The following PAX6 variants were observed in gnomAD, a reference collection of about 807,000 sequenced individuals.
The protein encoded by PAX6 is paired box protein Pax-6.
PAX6 carries 7 observed loss-of-function variants against 60.7 expected under a neutral mutation model. The observed-to-expected ratio is 0.12, with a 90% confidence interval of 0.07 to 0.22. PAX6 has a LOEUF of 0.22. Among genes scored for constraint, PAX6 ranks in the 10% least tolerant of loss-of-function variants. The probability of loss-of-function intolerance (pLI) is 1.00; values close to 1 mark genes in which losing one functional copy is unlikely to be tolerated. For synonymous variants in PAX6, 208 were observed against 201.2 expected (o/e 1.03, Z -0.29); for missense variants, 355 against 555.2 (o/e 0.64, Z 3.62).
chr11:31,816,667 C>T (rs1488403573), intron 1 of PAX6: 1 of 699,398 alleles, frequency 1.4e-6, no homozygotes, highest in East Asian at 2.7e-5. Flanking sequence ...ACTGCCACTG[C>T]GCTCGTCCCC....
chr11:31,796,446 C>T (rs986485617), intron 8 of PAX6, among the ~76,000 whole-genome samples: 2 of 138,792 alleles, frequency 1.4e-5, no homozygotes, highest in African/African-American at 2.8e-5. Flanking sequence ...CGGGCGCCTC[C>T]GTGCTATTTA....
At chr11:31,816,631 C>T (rs1320416937) in intron 1 of PAX6, 2 of 702,480 alleles carry the variant, frequency 2.8e-6, no homozygotes, top group Middle Eastern at 2.3e-4. Flanking sequence ...GGAGAGGATC[C>T]CGGCCCAGGT....
At position 31,789,033 on chromosome 11, in the gene PAX6, CT is replaced by C. The variant is rs1330314272; in HGVS notation, c.*900del. On this transcript the variant is annotated 3_prime_UTR_variant, in exon 14 of 14. Transcript: ENST00000640368. ...AACTTCAAAACACTTAAGTTTAAAA[CT>C]CTTGCAAGCACTTTTAATTGATTAG... 1 of 200,926 alleles carries C rather than the reference CT, an allele frequency of 5.0e-6. No homozygotes were observed. The highest frequency in any genetic ancestry group is 2.3e-5 in the African/African-American group (1 of 43,636). 12.4% of individuals were successfully genotyped at this position (200,926 alleles called of 1,614,324 possible).
chr11:31,812,814 T>G (rs980381729), upstream of PAX6: 3 of 152,258 alleles, frequency 2.0e-5, no homozygotes, highest in African/African-American at 7.2e-5. Context: ...TCTTCTTGAC[T>G]TAGGGAAAGT....
chr11:31,796,927 G>C (rs1469997136), intron 8 of PAX6, among the ~76,000 whole-genome samples: 1 of 152,066 alleles, frequency 6.6e-6, no homozygotes. Flanking sequence ...TCACGTGTGC[G>C]GGCACAAGCG....
intron 4 of PAX6, chr11:31,806,146 TACCGCAG>T: frequency 2.0e-6 from 1 of 489,876 alleles, no homozygotes; most frequent in Non-Finnish European, 3.5e-6. Flanking sequence ...GGGGTTTCTC[TACCGCAG>T]CTTCGAAAAC....
intron 8 of PAX6, among the ~76,000 whole-genome samples, chr11:31,798,147 G>A (rs1592489187): frequency 6.7e-6 from 1 of 148,746 alleles, no homozygotes; most frequent in East Asian, 2.0e-4. Flanking sequence ...AAACATTGTA[G>A]CATCTGTTGA....
At chr11:31,816,307 A>G (rs544451092), upstream of PAX6, 2 of 478,276 alleles carry the variant, frequency 4.2e-6, no homozygotes, top group East Asian at 7.0e-5. Context: ...AAATTCTATG[A>G]GAGGGTCTGA....
intron 1 of PAX6, chr11:31,816,781 T>C: frequency 1.6e-6 from 1 of 617,576 alleles, no homozygotes; most frequent in African/African-American, 1.8e-5. Flanking sequence ...CCAGAAGACC[T>C]AGAAAGGGGG....
chr11:31,807,666 G>T (rs896671812), intron 2 of PAX6: 1 of 152,190 alleles, frequency 6.6e-6, no homozygotes, highest in Non-Finnish European at 1.5e-5. Flanking sequence ...CGAACAGGAG[G>T]GGGTGAGCGT....
At chr11:31,801,030 C>T in intron 7 of PAX6, 174 bp from the exon 8 acceptor site, 1 of 800,808 alleles carries the variant, frequency 1.2e-6, no homozygotes, top group Non-Finnish European at 2.1e-6. Flanking sequence ...ATAGCTATCA[C>T]TTTGGGCATG....
chr11:31,800,420 C>T (rs923215121), intron 8 of PAX6: 8 of 568,328 alleles, frequency 1.4e-5, no homozygotes, highest in Middle Eastern at 2.7e-4. Flanking sequence ...TTCTTATGCA[C>T]ACAGTGCTGC....
At chr11:31,799,906 G>T (rs1953014829) in intron 8 of PAX6, among the ~76,000 whole-genome samples, 1 of 152,038 alleles carries the variant, frequency 6.6e-6, no homozygotes, top group Non-Finnish European at 1.5e-5. Flanking sequence ...AGCTACCTCG[G>T]GGTGTGGAGG....
At chr11:31,801,513 G>A in intron 7 of PAX6, 48 bp downstream of exon 7, 1 of 1,613,434 alleles carries the variant, frequency 6.2e-7, no homozygotes, top group African/African-American at 1.3e-5. Flanking sequence ...AAAGAGGAGA[G>A]AGCATTGGGC....
In PAX6 at chr11:31,789,354, C is replaced by T; in HGVS notation, c.*580G>A. The T allele has an allele frequency of 3.7e-6, 1 of 273,612 alleles. No individual in the cohort carries two copies. The highest frequency in any genetic ancestry group is 6.8e-6 in the Non-Finnish European group (1 of 146,474). The allele number at this position is 273,612 out of a possible 1,614,324, so 16.9% of individuals were successfully genotyped here. A position where few individuals can be genotyped will look rare whatever the true frequency, so the allele number is the denominator to read the frequency against. On this transcript the variant is annotated 3_prime_UTR_variant, in exon 14 of 14. Transcript: ENST00000640368. ...TTCTTCCTTGAATTTATATCTTACC[C>T]TTTTTTGCACATAAACTTCATCTGT...
intron 1 of PAX6, among the ~76,000 whole-genome samples, chr11:31,817,497 T>G (rs1806182): frequency 1.3e-5 from 2 of 152,258 alleles, no homozygotes; most frequent in Non-Finnish European, 2.9e-5. Context: ...CGCGAGTGGC[T>G]TTAGCAGACA....
chr11:31,810,116 G>C (rs1387352688), intron 2 of PAX6: 1 of 152,314 alleles, frequency 6.6e-6, no homozygotes, highest in Non-Finnish European at 1.5e-5. Context: ...CCACCGCCTT[G>C]GCCTGGTGGC....
chr11:31,798,554 C>T (rs1041430146), intron 8 of PAX6, among the ~76,000 whole-genome samples: 1 of 152,194 alleles, frequency 6.6e-6, no homozygotes, highest in East Asian at 1.9e-4. Context: ...CCCGCTACCC[C>T]CACGCCGGCA....
chr11:31,802,278 T>C (rs1261954534), intron 5 of PAX6: 3 of 327,570 alleles, frequency 9.2e-6, no homozygotes, highest in African/African-American at 4.3e-5. Flanking sequence ...AATCAATATA[T>C]ATTATTCATA....
Sources: gnomAD v4.1 joint callset for allele counts (sites outside exome capture counted in the v4.1 genomes callset) on GRCh38, gnomAD v4.1.1 for gene constraint, MANE v1.5 for transcripts, NCBI Gene and HGNC (gene_info 2026-07-23, HGNC 2026-07-21) for gene names.